Variants in STAG1 observed in about 807,000 individuals in gnomAD.
The protein encoded by STAG1 is cohesin subunit SA-1.
STAG1 carries 26 observed loss-of-function variants against 170.9 expected under a neutral mutation model. The ratio of observed to expected loss-of-function variants is 0.15; its 90% CI spans 0.11 to 0.21. The LOEUF (loss-of-function observed/expected upper bound fraction) is 0.21. Among genes scored for constraint, STAG1 ranks in the 10% least tolerant of loss-of-function variants. The pLI is 1.00. For missense variants in STAG1, 964 were observed against 1,509.5 expected (o/e 0.64, Z 5.99); for synonymous variants, 514 against 497.7 (o/e 1.03, Z -0.44).
chr3:136,420,657 A>T (rs1321426996), intron 20 of STAG1, among the ~76,000 whole-genome samples: 1 of 152,218 alleles, frequency 6.6e-6, no homozygotes, highest in African/African-American at 2.4e-5. Flanking sequence ...CACAGGTACG[A>T]TCATGGGCCA....
intron 29 of STAG1, among the ~76,000 whole-genome samples, chr3:136,346,328 A>G (rs1936219929): frequency 6.6e-6 from 1 of 152,264 alleles, no homozygotes; most frequent in Non-Finnish European, 1.5e-5. Context: ...TCTTAAATAG[A>G]AATAGATACT....
intron 7 of STAG1, among the ~76,000 whole-genome samples, chr3:136,516,464 T>C (rs923274042): frequency 6.6e-6 from 1 of 151,912 alleles, no homozygotes; most frequent in African/African-American, 2.4e-5. Context: ...AACAAAACCA[T>C]GCCACTGCAC....
At chr3:136,378,157 C>G (rs1316152626) in intron 22 of STAG1, among the ~76,000 whole-genome samples, 2 of 152,198 alleles carry the variant, frequency 1.3e-5, no homozygotes, top group Non-Finnish European at 2.9e-5. Flanking sequence ...TATCTCAGCA[C>G]TCTGCAAAAT....
intron 5 of STAG1, among the ~76,000 whole-genome samples, chr3:136,564,821 A>T (rs747438668): frequency 2.0e-5 from 3 of 151,952 alleles, no homozygotes; most frequent in Non-Finnish European, 2.9e-5. Flanking sequence ...ATACACAAAA[A>T]TTAACCATGG....
chr3:136,490,384 A>G (rs999783613), intron 9 of STAG1, among the ~76,000 whole-genome samples: 2 of 152,160 alleles, frequency 1.3e-5, no homozygotes, highest in Non-Finnish European at 2.9e-5. Flanking sequence ...ACTATTTTTC[A>G]TCTCATTTTT....
intron 22 of STAG1, among the ~76,000 whole-genome samples, chr3:136,386,822 G>A (rs1319522952): frequency 2.6e-5 from 4 of 151,926 alleles, no homozygotes; most frequent in Non-Finnish European, 4.4e-5. Flanking sequence ...TATGAAATAC[G>A]GTTAACATAA....
In STAG1 at chr3:136,337,106, C is replaced by T. The variant is rs1560040094; in HGVS notation, c.*1148G>A. Reference sequence around the variant, plus strand: ...TTATTCTTAATATGCACATTTAACACTGAAATGTAGCTGTAATTCAAGGTA... The same window carrying T: ...TTATTCTTAATATGCACATTTAACATTGAAATGTAGCTGTAATTCAAGGTA... On this transcript the variant is annotated 3_prime_UTR_variant, in exon 34 of 34. Coordinates refer to ENST00000383202, the MANE Select transcript of STAG1 (RefSeq NM_005862.3). 1 of 152,632 alleles carries T rather than the reference C, an allele frequency of 6.6e-6. No individual in the cohort carries two copies. Among genetic ancestry groups the T allele is most frequent in the East Asian group, 1.9e-4 (1 of 5,200 alleles). 9.5% of individuals were successfully genotyped at this position (152,632 alleles called of 1,614,324 possible). A position where few individuals can be genotyped will look rare whatever the true frequency, so the allele number is the denominator to read the frequency against.
At chr3:136,646,459 T>C (rs2107851408) in intron 1 of STAG1, among the ~76,000 whole-genome samples, 1 of 152,326 alleles carries the variant, frequency 6.6e-6, no homozygotes, top group East Asian at 1.9e-4. Flanking sequence ...AGTTATGAAT[T>C]ATCGGTTCAA....
At chr3:136,474,181 A>C (rs1010563717) in intron 10 of STAG1, among the ~76,000 whole-genome samples, 2 of 152,180 alleles carry the variant, frequency 1.3e-5, no homozygotes, top group Non-Finnish European at 1.5e-5. Flanking sequence ...GTCTTTAATA[A>C]AGTCATCAAC....
intron 21 of STAG1, among the ~76,000 whole-genome samples, chr3:136,403,224 T>TAAAAAAAAAAAAAAAATAAAAAAAAA (rs2087382537): frequency 3.0e-5 from 1 of 33,600 alleles, no homozygotes; most frequent in Non-Finnish European, 4.7e-5. Context: ...GAGACTGTCT[T>TAAAAAAAAAAAAAAAATAAAAAAAAA]AAAAAAAAAA....
At chr3:136,463,735 A>ATATGTG (rs1553725772) in intron 13 of STAG1, among the ~76,000 whole-genome samples, 2 of 101,204 alleles carry the variant, frequency 2.0e-5, no homozygotes, top group Non-Finnish European at 3.9e-5. Flanking sequence ...AAATGTGTAT[A>ATATGTG]TGTGTGTGTG....
intron 1 of STAG1, among the ~76,000 whole-genome samples, chr3:136,742,008 A>G (rs1183747707): frequency 6.6e-6 from 1 of 151,704 alleles, no homozygotes; most frequent in Non-Finnish European, 1.5e-5. Flanking sequence ...CATAATAATC[A>G]TAAGTTGTAC....
intron 4 of STAG1, among the ~76,000 whole-genome samples, chr3:136,574,218 G>A: frequency 6.6e-6 from 1 of 151,864 alleles, no homozygotes; most frequent in East Asian, 1.9e-4. Flanking sequence ...TCCAGCCCGG[G>A]TGACATGAGC....
intron 9 of STAG1, among the ~76,000 whole-genome samples, chr3:136,478,611 ATAAT>A (rs1481802012): frequency 2.0e-5 from 3 of 152,184 alleles, no homozygotes; most frequent in Admixed American, 6.5e-5. Context: ...AATTTTAATG[ATAAT>A]TAAGGCACTT....
intron 1 of STAG1, among the ~76,000 whole-genome samples, chr3:136,707,707 G>A (rs1013019534): frequency 6.6e-6 from 1 of 152,198 alleles, no homozygotes; most frequent in Non-Finnish European, 1.5e-5. Flanking sequence ...GCAAAGAGGG[G>A]AAAGTGTGAG....
chr3:136,484,235 G>T (rs1425015602), intron 9 of STAG1, among the ~76,000 whole-genome samples: 9 of 151,926 alleles, frequency 5.9e-5, no homozygotes, highest in Non-Finnish European at 1.2e-4. Context: ...CTTTGATGAT[G>T]GTGATGTACA....
intron 21 of STAG1, among the ~76,000 whole-genome samples, chr3:136,416,569 T>C (rs1394460670): frequency 6.6e-6 from 1 of 152,222 alleles, no homozygotes; most frequent in Non-Finnish European, 1.5e-5. Context: ...AAAGAATATC[T>C]TAACTCTCTC....
rs986042395 is a variant in STAG1 at position 136,403,071 on chromosome 3, T to C, written c.2197-4242A>G. Among the ~76,000 whole-genome samples the C allele has an allele frequency of 4.6e-5, 7 of 151,160 alleles. 1 individual carries two copies. The South Asian group carries it at 8.4e-4, about 18-fold the overall frequency. ...GGCAAAACCCTGTCTCTACTAAAAATACAAAAATTAGCTAAGCATGGTGGC... is the reference window on the plus strand; with the variant it reads ...GGCAAAACCCTGTCTCTACTAAAAACACAAAAATTAGCTAAGCATGGTGGC... On this transcript the variant is annotated intron_variant, in intron 21 of 33. Transcript: ENST00000383202.
chr3:136,494,855 A>G (rs1245009597), intron 9 of STAG1, among the ~76,000 whole-genome samples: 1 of 152,200 alleles, frequency 6.6e-6, no homozygotes, highest in African/African-American at 2.4e-5. Context: ...CCCCATTAAG[A>G]TAAGGAATAA....
Sources: allele counts gnomAD v4.1 joint callset (sites outside exome capture counted in the v4.1 genomes callset), GRCh38; gene constraint gnomAD v4.1.1; transcripts MANE v1.5; gene names NCBI Gene and HGNC (gene_info 2026-07-23, HGNC 2026-07-21).